ITCH: variants seen among roughly 807,000 people sequenced by gnomAD.
ITCH encodes E3 ubiquitin-protein ligase Itchy homolog.
Under a neutral mutation model 126.8 loss-of-function variants are expected in ITCH, and 28 were observed. The ratio of observed to expected loss-of-function variants is 0.22; its 90% CI spans 0.16 to 0.30. ITCH has a LOEUF of 0.30. Among genes scored for constraint, ITCH ranks in the 10% least tolerant of loss-of-function variants. The pLI, the probability that ITCH is intolerant of heterozygous loss-of-function variation, is 1.00. For missense variants in ITCH, 631 were observed against 1,032.4 expected, an observed-to-expected ratio of 0.61 and a Z score of 5.33; for synonymous variants, 342 against 340.0, an observed-to-expected ratio of 1.01 and a Z score of -0.06.
chr20:34,507,238 T>C (rs1053580460), intron 24 of ITCH, among the ~76,000 whole-genome samples: 23 of 149,334 alleles, frequency 1.5e-4, no homozygotes, highest in African/African-American at 5.4e-4. Context: ...CATCCTCACA[T>C]CCTTTTCAAC....
At chr20:34,385,850 T>C (rs2038264435) in intron 2 of ITCH, among the ~76,000 whole-genome samples, 1 of 152,232 alleles carries the variant, frequency 6.6e-6, no homozygotes, top group Admixed American at 6.5e-5. Context: ...AACCAAAGTG[T>C]CACTGTTACA....
chr20:34,406,964 C>G (rs1412576689), intron 3 of ITCH, among the ~76,000 whole-genome samples: 2 of 152,044 alleles, frequency 1.3e-5, no homozygotes, highest in African/African-American at 4.8e-5. Context: ...GAGTAGATAA[C>G]CTGGGTGGTG....
At chr20:34,439,697 TG>T (rs1983481230) in intron 8 of ITCH, among the ~76,000 whole-genome samples, 1 of 152,244 alleles carries the variant, frequency 6.6e-6, no homozygotes, top group African/African-American at 2.4e-5. Context: ...AAAGGTGTAA[TG>T]TATGACTACT....
Position 34,491,388 on chromosome 20 carries a change from G to C in ITCH, c.2320-1113G>C, listed in dbSNP as rs937613933. On this transcript the variant is annotated intron_variant, in intron 22 of 24. Coordinates refer to ENST00000374864, the MANE Select transcript of ITCH (RefSeq NM_031483.7). ...GGCAAAAGTAGAATATGGGTTACCA[G>C]AAGTTGCAGGGAGCAAAAATGGGAA... 2.6e-5 allele frequency among the ~76,000 whole-genome samples: 4 copies of C among 152,164 alleles called. 1 individual carries two copies. Among genetic ancestry groups the C allele is most frequent in the Admixed American group, 6.5e-5 (1 of 15,278 alleles).
rs1159506165 is a variant in ITCH at position 34,372,996 on chromosome 20, C to T, written c.-22+3526C>T. 5.1e-5 allele frequency among the ~76,000 whole-genome samples: 7 copies of T among 137,404 alleles called. No homozygotes were observed. The South Asian group carries it at 6.8e-4, about 13-fold the overall frequency. The allele number at this position is 137,404 out of a possible 152,430, so 90.1% of individuals were successfully genotyped here. A position where few individuals can be genotyped will look rare whatever the true frequency, so the allele number is the denominator to read the frequency against. ...ATTCCTTTTTTTTTTTTTTTTGAGA[C>T]GGAGTTTTTCTCTTGTTGCCGAGGC... On this transcript the variant is annotated intron_variant, in intron 2 of 24. Transcript: ENST00000374864.
At chr20:34,438,893 A>T (rs1983385089) in intron 8 of ITCH, among the ~76,000 whole-genome samples, 1 of 152,220 alleles carries the variant, frequency 6.6e-6, no homozygotes, top group Admixed American at 6.5e-5. Flanking sequence ...TGCAGATAAC[A>T]TGGCAATAAC....
intron 6 of ITCH, among the ~76,000 whole-genome samples, chr20:34,421,507 C>G (rs1470172652): frequency 6.6e-6 from 1 of 152,092 alleles, no homozygotes; most frequent in Non-Finnish European, 1.5e-5. Flanking sequence ...TTGGGAATAC[C>G]TTTAAAGGGC....
intron 2 of ITCH, among the ~76,000 whole-genome samples, chr20:34,382,875 C>T (rs2038120728): frequency 6.6e-6 from 1 of 151,666 alleles, no homozygotes; most frequent in African/African-American, 2.4e-5. Context: ...TCCTGAGTAG[C>T]TGGGATTACA....
chr20:34,365,678 G>A (rs758712119), intron 1 of ITCH, among the ~76,000 whole-genome samples: 8 of 152,166 alleles, frequency 5.3e-5, no homozygotes, highest in Non-Finnish European at 1.0e-4. Flanking sequence ...GCCTCCCAAA[G>A]TGCTGGGTTT....
chr20:34,491,518 C>T (rs192784845), intron 22 of ITCH, among the ~76,000 whole-genome samples: 271 of 152,238 alleles, frequency 1.8e-3, no homozygotes, highest in African/African-American at 6.2e-3. Context: ...CATTGAATTA[C>T]ACTCAAAATG....
chr20:34,398,867 A>C (rs900284392), intron 3 of ITCH, among the ~76,000 whole-genome samples: 3 of 148,558 alleles, frequency 2.0e-5, no homozygotes, highest in Admixed American at 6.6e-5. Context: ...CAGAGAACAT[A>C]AGATAAAAGA....
chr20:34,368,383 T>C (rs1025227060), intron 1 of ITCH, among the ~76,000 whole-genome samples: 2 of 151,938 alleles, frequency 1.3e-5, no homozygotes, highest in Non-Finnish European at 2.9e-5. Flanking sequence ...TTTTGGACAT[T>C]GGTTTCCTTT....
intron 9 of ITCH, 121 bp from the exon 10 acceptor site, chr20:34,442,087 A>C: frequency 4.0e-6 from 3 of 743,020 alleles, no homozygotes; most frequent in Middle Eastern, 4.6e-4. Context: ...TCATCTTTCT[A>C]AACTGATGTC....
In ITCH at chr20:34,476,420, C is replaced by A. The variant is rs1481074968; in HGVS notation, c.1570-1352C>A. 6.5e-6 allele frequency: 8 copies of A among 1,232,834 alleles called. No individual in the cohort carries two copies. The African/African-American group carries it at 1.1e-4, about 17-fold the overall frequency. The allele number at this position is 1,232,834 out of a possible 1,614,324, so 76.4% of individuals were successfully genotyped here. A position where few individuals can be genotyped will look rare whatever the true frequency, so the allele number is the denominator to read the frequency against. On this transcript the variant is annotated intron_variant, in intron 16 of 24. Transcript: ENST00000374864. Reference sequence around the variant, plus strand: ...TGGTGCAGCCACCGGCCGGCCGGGTCGCCGAGGACCGCAGAAGCGGCGCGC... The same window carrying A: ...TGGTGCAGCCACCGGCCGGCCGGGTAGCCGAGGACCGCAGAAGCGGCGCGC...
intron 7 of ITCH, among the ~76,000 whole-genome samples, chr20:34,431,856 A>G (rs1444819634): frequency 6.6e-6 from 1 of 152,156 alleles, no homozygotes; most frequent in Non-Finnish European, 1.5e-5. Context: ...CCTGGCCAAC[A>G]TGGTGAAACC....
chr20:34,363,936 C>T (rs545267909), intron 1 of ITCH, among the ~76,000 whole-genome samples: 21 of 152,312 alleles, frequency 1.4e-4, no homozygotes, highest in African/African-American at 4.6e-4. Flanking sequence ...CCCCGACGTC[C>T]GCCACCGTCG....
chr20:34,394,796 A>C (rs1032715474), intron 3 of ITCH, among the ~76,000 whole-genome samples: 2 of 152,120 alleles, frequency 1.3e-5, no homozygotes, highest in Non-Finnish European at 2.9e-5. Flanking sequence ...GGAAGTGTGG[A>C]TGATTTTAGA....
chr20:34,424,862 A>G (rs1294492331), intron 7 of ITCH, among the ~76,000 whole-genome samples: 1 of 152,186 alleles, frequency 6.6e-6, no homozygotes, highest in Non-Finnish European at 1.5e-5. Flanking sequence ...GGAGCTTTAC[A>G]CATATGTGAA....
chr20:34,411,069 C>G (rs1978961275), intron 4 of ITCH, among the ~76,000 whole-genome samples: 1 of 152,156 alleles, frequency 6.6e-6, no homozygotes, highest in Non-Finnish European at 1.5e-5. Context: ...TCATCTTTGA[C>G]AGTATACTTT....
Sources: allele counts gnomAD v4.1 joint callset (sites outside exome capture counted in the v4.1 genomes callset), GRCh38; gene constraint gnomAD v4.1.1; transcripts MANE v1.5; gene names NCBI Gene and HGNC (gene_info 2026-07-23, HGNC 2026-07-21).